The following TRAPPC9 variants were observed in gnomAD, a reference collection of about 807,000 sequenced individuals.
TRAPPC9 encodes the protein trafficking protein particle complex subunit 9.
A neutral mutation model predicts 124.0 loss-of-function variants in TRAPPC9; 83 were observed. That is an observed-to-expected ratio of 0.67 (90% CI 0.56 to 0.80). The LOEUF is 0.80. Ranked by LOEUF, TRAPPC9 falls within the 30% of genes least tolerant of loss-of-function variation. The probability of loss-of-function intolerance (pLI) is 0.00; values close to 1 mark genes in which losing one functional copy is unlikely to be tolerated. For synonymous variants in TRAPPC9, 638 were observed against 617.5 expected, an observed-to-expected ratio of 1.03 and a Z score of -0.49; for missense variants, 1,302 against 1,508.3, an observed-to-expected ratio of 0.86 and a Z score of 2.27.
intron 6 of TRAPPC9, 83 bp downstream of exon 6, chr8:140,405,494 C>T: frequency 7.0e-7 from 1 of 1,434,028 alleles, no homozygotes; most frequent in Non-Finnish European, 9.8e-7. Context: ...TTAAGAGACA[C>T]TGCAGCATTA....
At chr8:139,911,636 C>T (rs1035184591) in intron 19 of TRAPPC9, among the ~76,000 whole-genome samples, 1 of 151,192 alleles carries the variant, frequency 6.6e-6, no homozygotes, top group African/African-American at 2.4e-5. Flanking sequence ...ACCAAGGAGG[C>T]GGAAGTTGCA....
intron 9 of TRAPPC9, among the ~76,000 whole-genome samples, chr8:140,350,151 T>C (rs1475359983): frequency 6.6e-6 from 1 of 152,210 alleles, no homozygotes; most frequent in Non-Finnish European, 1.5e-5. Flanking sequence ...CCACTAAGGT[T>C]TAGAAGCAGA....
At chr8:140,354,961 A>G (rs938853933) in intron 9 of TRAPPC9, among the ~76,000 whole-genome samples, 2 of 152,228 alleles carry the variant, frequency 1.3e-5, no homozygotes, top group Non-Finnish European at 2.9e-5. Flanking sequence ...TTAACCAAAT[A>G]TCATTATATA....
In TRAPPC9 at chr8:140,070,721, C is replaced by A. The variant is rs114786208; in HGVS notation, c.2557-46642G>T. On this transcript the variant is annotated intron_variant, in intron 17 of 22. Transcript: ENST00000438773. ...CAGGCTGCTCACCAGCATTTCACACCAGCAGGGCTGTCCCCTAAAGCCACA... is the reference window on the plus strand; with the variant it reads ...CAGGCTGCTCACCAGCATTTCACACAAGCAGGGCTGTCCCCTAAAGCCACA... Among the ~76,000 whole-genome samples the A allele has an allele frequency of 3.0e-3, 452 of 152,294 alleles. 3 individuals are homozygous for A. The highest frequency in any genetic ancestry group is 0.01 in the African/African-American group (435 of 41,566).
intron 21 of TRAPPC9, among the ~76,000 whole-genome samples, chr8:139,766,995 G>A (rs1820628072): frequency 6.6e-6 from 1 of 152,164 alleles, no homozygotes; most frequent in Non-Finnish European, 1.5e-5. Context: ...TGCGGCCCTG[G>A]CACAGGGCCC....
chr8:139,844,912 T>C (rs1325437821), intron 21 of TRAPPC9, among the ~76,000 whole-genome samples: 3 of 152,162 alleles, frequency 2.0e-5, no homozygotes, highest in Non-Finnish European at 4.4e-5. Context: ...GCCACCCCCA[T>C]GCTCCCAGTT....
At chr8:140,358,920 G>A (rs1211649145) in intron 9 of TRAPPC9, among the ~76,000 whole-genome samples, 3 of 152,192 alleles carry the variant, frequency 2.0e-5, no homozygotes, top group African/African-American at 4.8e-5. Context: ...GGGACAGGAA[G>A]CCCCGGCCCT....
chr8:140,449,179 A>G (rs533522455), intron 2 of TRAPPC9, among the ~76,000 whole-genome samples: 1 of 152,252 alleles, frequency 6.6e-6, no homozygotes, highest in East Asian at 1.9e-4. Context: ...AACAACCAGA[A>G]CGACACCGTG....
At chr8:139,852,569 C>CTGATGAT (rs1457411620) in intron 21 of TRAPPC9, among the ~76,000 whole-genome samples, 41 of 152,226 alleles carry the variant, frequency 2.7e-4, no homozygotes, top group Non-Finnish European at 3.1e-4. Context: ...AACAGTCAGA[C>CTGATGAT]TGATGATTTC....
chr8:139,818,322 T>C (rs574988301), intron 21 of TRAPPC9, among the ~76,000 whole-genome samples: 18 of 152,324 alleles, frequency 1.2e-4, no homozygotes, highest in African/African-American at 4.1e-4. Context: ...ATGCCTGTAA[T>C]CCCAGTGCTT....
At chr8:140,377,802 G>A (rs2068486657) in intron 7 of TRAPPC9, among the ~76,000 whole-genome samples, 1 of 152,070 alleles carries the variant, frequency 6.6e-6, no homozygotes, top group South Asian at 2.1e-4. Flanking sequence ...CTAATGATGT[G>A]TTGTCAGATT....
At chr8:140,246,893 G>A (rs189929073) in intron 16 of TRAPPC9, among the ~76,000 whole-genome samples, 118 of 152,242 alleles carry the variant, frequency 7.8e-4, no homozygotes, top group Non-Finnish European at 1.5e-3. Flanking sequence ...GCTGAGGCAG[G>A]AGAATCACTT....
chr8:140,431,511 T>C (rs1363953928), intron 4 of TRAPPC9, among the ~76,000 whole-genome samples: 1 of 152,170 alleles, frequency 6.6e-6, no homozygotes, highest in Non-Finnish European at 1.5e-5. Flanking sequence ...CCTGAGTCTC[T>C]CTTCACGAAA....
chr8:139,857,734 G>A (rs970788786), intron 21 of TRAPPC9, among the ~76,000 whole-genome samples: 4 of 152,354 alleles, frequency 2.6e-5, no homozygotes, highest in East Asian at 1.9e-4. Flanking sequence ...CAGGAAGCAC[G>A]AGGCTGGGTG....
At chr8:140,407,239 G>A (rs186865345) in intron 5 of TRAPPC9, among the ~76,000 whole-genome samples, 2 of 152,286 alleles carry the variant, frequency 1.3e-5, no homozygotes, top group East Asian at 3.9e-4. Flanking sequence ...AGGCCATCTT[G>A]GGCCTATGTT....
intron 7 of TRAPPC9, among the ~76,000 whole-genome samples, chr8:140,374,398 C>T (rs868722230): frequency 6.6e-6 from 1 of 152,054 alleles, no homozygotes; most frequent in African/African-American, 2.4e-5. Context: ...GGAGAAACCC[C>T]GTCTCTACTA....
chr8:139,988,838 T>C lies in TRAPPC9; in HGVS notation c.2700-2A>G, dbSNP rs1042063281. 1 of 1,543,668 alleles carries C rather than the reference T, an allele frequency of 6.5e-7. No individual in the cohort carries two copies. Among genetic ancestry groups the C allele is most frequent in the Non-Finnish European group, 8.8e-7 (1 of 1,140,216 alleles). On this transcript the variant is annotated splice_acceptor_variant, in intron 18 of 22. Coordinates refer to ENST00000438773, the MANE Select transcript of TRAPPC9 (RefSeq NM_001160372.4). LOFTEE classifies it high-confidence loss of function. Reference sequence around the variant, plus strand: ...AGGAGCAGGTGACACTGCCGGGTACTGCGTTAAAGAAAAAAGAAAGTTCAG... The same window carrying C: ...AGGAGCAGGTGACACTGCCGGGTACCGCGTTAAAGAAAAAAGAAAGTTCAG...
chr8:140,122,197 T>C (rs1481419242), intron 17 of TRAPPC9, among the ~76,000 whole-genome samples: 4 of 152,050 alleles, frequency 2.6e-5, no homozygotes, highest in Non-Finnish European at 5.9e-5. Context: ...AAACCAAAGC[T>C]CTCACTCCTA....
At chr8:139,906,969 A>C (rs746838399) in intron 20 of TRAPPC9, among the ~76,000 whole-genome samples, 2 of 150,186 alleles carry the variant, frequency 1.3e-5, no homozygotes, top group Non-Finnish European at 3.0e-5. Context: ...TCATCTCTCT[A>C]CGTGAACGGG....
Sources: allele counts gnomAD v4.1 joint callset (sites outside exome capture counted in the v4.1 genomes callset), GRCh38; gene constraint gnomAD v4.1.1; transcripts MANE v1.5; gene names NCBI Gene and HGNC (gene_info 2026-07-23, HGNC 2026-07-21).